Variants in KHDRBS2 observed in about 807,000 individuals in gnomAD.
KHDRBS2 encodes the protein KH RNA binding domain containing, signal transduction associated 2.
In KHDRBS2, 26 loss-of-function variants were observed where a neutral mutation model predicts 44.3. The ratio of observed to expected loss-of-function variants is 0.59; its 90% CI spans 0.43 to 0.81. The LOEUF (loss-of-function observed/expected upper bound fraction) is 0.81, where lower values mean the gene tolerates loss of function less well. KHDRBS2 is among the 40% of genes least tolerant of loss of function. KHDRBS2 has a pLI of 0.00. For synonymous variants in KHDRBS2, 194 were observed against 151.1 expected, an observed-to-expected ratio of 1.28 and a Z score of -2.08; for missense variants, 476 against 433.1, an observed-to-expected ratio of 1.10 and a Z score of -0.88.
At chr6:61,994,426 G>A (rs1776784952) in intron 3 of KHDRBS2, among the ~76,000 whole-genome samples, 1 of 152,112 alleles carries the variant, frequency 6.6e-6, no homozygotes, top group Non-Finnish European at 1.5e-5. Flanking sequence ...TTCCCCTTTT[G>A]AGACTGCCTA....
chr6:62,156,363 A>G (rs909455030), intron 2 of KHDRBS2, among the ~76,000 whole-genome samples: 2 of 152,236 alleles, frequency 1.3e-5, no homozygotes, highest in Non-Finnish European at 2.9e-5. Flanking sequence ...TGAAGACTAC[A>G]TTAAATCTTA....
At chr6:61,864,264 G>A (rs1438401246) in intron 6 of KHDRBS2, among the ~76,000 whole-genome samples, 1 of 152,076 alleles carries the variant, frequency 6.6e-6, no homozygotes, top group African/African-American at 2.4e-5. Flanking sequence ...GGGGCACTTA[G>A]GCCATTTACA....
chr6:61,726,391 T>G (rs187440073), intron 7 of KHDRBS2, among the ~76,000 whole-genome samples: 24 of 152,186 alleles, frequency 1.6e-4, no homozygotes, highest in African/African-American at 5.8e-4. Context: ...CTCACCACTC[T>G]TATTCAACTT....
intron 4 of KHDRBS2, among the ~76,000 whole-genome samples, chr6:61,920,777 T>C (rs1363326778): frequency 1.3e-5 from 2 of 151,886 alleles, no homozygotes; most frequent in Non-Finnish European, 2.9e-5. Flanking sequence ...GTGATTTTAG[T>C]ATCACTGGTA....
the KHDRBS2 span, among the ~76,000 whole-genome samples, chr6:61,667,459 A>G: frequency 2.0e-5 from 3 of 151,300 alleles, no homozygotes; most frequent in Non-Finnish European, 4.4e-5. Flanking sequence ...ATGGAAGCAT[A>G]TTGATATTTA....
At chr6:62,099,804 G>C (rs534696641) in intron 2 of KHDRBS2, among the ~76,000 whole-genome samples, 43 of 152,272 alleles carry the variant, frequency 2.8e-4, no homozygotes, top group African/African-American at 9.6e-4. Context: ...ACCACTCATT[G>C]ACAACACACC....
At chr6:61,622,968 G>A in the KHDRBS2 span, among the ~76,000 whole-genome samples, 3 of 152,224 alleles carry the variant, frequency 2.0e-5, no homozygotes, top group Middle Eastern at 3.4e-3. Flanking sequence ...ATTGCCTGAA[G>A]CTGGGAGATC....
At chr6:61,717,929 G>T (rs1243367938) in intron 7 of KHDRBS2, among the ~76,000 whole-genome samples, 6 of 152,006 alleles carry the variant, frequency 3.9e-5, no homozygotes, top group Admixed American at 1.3e-4. Flanking sequence ...AGTAGTATCT[G>T]TTGGTCTTTA....
chr6:62,178,372 A>G (rs1393196555), intron 1 of KHDRBS2, among the ~76,000 whole-genome samples: 1 of 151,630 alleles, frequency 6.6e-6, no homozygotes, highest in Non-Finnish European at 1.5e-5. Context: ...AAGTGATTAT[A>G]GGACAGATCA....
At chr6:62,196,377 T>G (rs1825705976) in intron 1 of KHDRBS2, among the ~76,000 whole-genome samples, 1 of 152,152 alleles carries the variant, frequency 6.6e-6, no homozygotes, top group Non-Finnish European at 1.5e-5. Flanking sequence ...AAGAGCCTTA[T>G]AGAATTTAGA....
At chr6:62,203,923 C>G (rs2150140308) in intron 1 of KHDRBS2, among the ~76,000 whole-genome samples, 1 of 152,232 alleles carries the variant, frequency 6.6e-6, no homozygotes, top group Admixed American at 6.5e-5. Context: ...TTGGTGCCTT[C>G]CCTGTGGTAA....
intron 2 of KHDRBS2, among the ~76,000 whole-genome samples, chr6:62,126,869 G>T (rs531527114): frequency 6.6e-6 from 1 of 152,222 alleles, no homozygotes; most frequent in South Asian, 2.1e-4. Flanking sequence ...TTAGAACCAT[G>T]ATTTATTTAA....
intron 7 of KHDRBS2, among the ~76,000 whole-genome samples, chr6:61,713,869 C>A (rs777996712): frequency 3.2e-4 from 48 of 151,860 alleles, no homozygotes; most frequent in Non-Finnish European, 5.2e-4. Context: ...AGATCCCTAT[C>A]TTTTACCATG....
chr6:61,908,557 C>T (rs777719544), intron 4 of KHDRBS2, among the ~76,000 whole-genome samples: 1 of 151,356 alleles, frequency 6.6e-6, no homozygotes, highest in Non-Finnish European at 1.5e-5. Flanking sequence ...TGGCATGAAC[C>T]CGGCAGGCGG....
At chr6:61,717,353 G>A (rs1277423839) in intron 7 of KHDRBS2, among the ~76,000 whole-genome samples, 3 of 151,898 alleles carry the variant, frequency 2.0e-5, no homozygotes, top group Admixed American at 1.3e-4. Flanking sequence ...AAAAAAGAGA[G>A]AGAGAAAAAA....
At chr6:61,742,549 T>C (rs1452028457) in intron 6 of KHDRBS2, among the ~76,000 whole-genome samples, 1 of 152,042 alleles carries the variant, frequency 6.6e-6, no homozygotes, top group Admixed American at 6.6e-5. Context: ...TGATATTGAA[T>C]AGATGAACTT....
At chr6:62,268,491 G>A (rs898487393) in intron 1 of KHDRBS2, among the ~76,000 whole-genome samples, 3 of 152,046 alleles carry the variant, frequency 2.0e-5, no homozygotes, top group South Asian at 2.1e-4. Context: ...ATATAAAGAT[G>A]AGCTATCATC....
At chr6:62,122,566 C>A (rs987797613) in intron 2 of KHDRBS2, among the ~76,000 whole-genome samples, 1 of 152,186 alleles carries the variant, frequency 6.6e-6, no homozygotes, top group Admixed American at 6.5e-5. Flanking sequence ...ATGGTCCCCA[C>A]TCCTGCTATC....
intron 6 of KHDRBS2, among the ~76,000 whole-genome samples, chr6:61,750,636 C>A (rs1397982625): frequency 6.6e-6 from 1 of 152,092 alleles, no homozygotes; most frequent in East Asian, 1.9e-4. Flanking sequence ...TTAGACAAAA[C>A]CGTCTTCTGA....
Sources: allele counts gnomAD v4.1 joint callset (sites outside exome capture counted in the v4.1 genomes callset), GRCh38; gene constraint gnomAD v4.1.1; transcripts MANE v1.5; gene names NCBI Gene and HGNC (gene_info 2026-07-23, HGNC 2026-07-21).